Variants in MYO6 observed in about 807,000 individuals in gnomAD.
The protein encoded by MYO6 is myosin VI.
A neutral mutation model predicts 178.7 loss-of-function variants in MYO6; 74 were observed. That is an observed-to-expected ratio of 0.41 (90% CI 0.34 to 0.50). The LOEUF is 0.50. MYO6 is among the 20% of genes least tolerant of loss of function. The pLI is 0.09. For missense variants in MYO6, 1,330 were observed against 1,547.4 expected, an observed-to-expected ratio of 0.86 and a Z score of 2.36; for synonymous variants, 477 against 504.6, an observed-to-expected ratio of 0.95 and a Z score of 0.73.
In MYO6 at chr6:75,883,689, A is replaced by G. The variant is rs540431201; in HGVS notation, c.2416+1871A>G. Reference sequence around the variant, plus strand: ...CTGGCCCAAGACAAAAGTGAGGGACAGAACATTTTGGGGTTACCTAAGGAT... The same window carrying G: ...CTGGCCCAAGACAAAAGTGAGGGACGGAACATTTTGGGGTTACCTAAGGAT... On this transcript the variant is annotated intron_variant, in intron 23 of 34. Transcript: ENST00000369977. 7.9e-5 allele frequency among the ~76,000 whole-genome samples: 12 copies of G among 152,320 alleles called. No homozygotes were observed. In the East Asian group the frequency reaches 2.1e-3, roughly 27 times the overall value.
At chr6:75,893,511 A>G (rs1214280559) in intron 28 of MYO6, among the ~76,000 whole-genome samples, 1 of 152,180 alleles carries the variant, frequency 6.6e-6, no homozygotes, top group East Asian at 1.9e-4. Context: ...CAACCACTAG[A>G]TGGCGATGTT....
At chr6:75,753,455 G>GTGTGTA (rs370647728) in intron 1 of MYO6, among the ~76,000 whole-genome samples, 36 of 140,058 alleles carry the variant, frequency 2.6e-4, no homozygotes, top group African/African-American at 9.1e-4. Context: ...GTGTGTGTGT[G>GTGTGTA]TATATATATA....
At chr6:75,861,565 A>G (rs1451335346) in intron 15 of MYO6, among the ~76,000 whole-genome samples, 1 of 152,212 alleles carries the variant, frequency 6.6e-6, no homozygotes, top group Admixed American at 6.5e-5. Flanking sequence ...CTGCGCAGCA[A>G]GAGAATAGAG....
At chr6:75,790,870 TG>T (rs1189451786) in intron 1 of MYO6, among the ~76,000 whole-genome samples, 2 of 152,224 alleles carry the variant, frequency 1.3e-5, no homozygotes, top group African/African-American at 4.8e-5. Flanking sequence ...GATGTAATTA[TG>T]CAGATGTCAT....
intron 16 of MYO6, among the ~76,000 whole-genome samples, chr6:75,863,599 C>T (rs1396415142): frequency 6.6e-6 from 1 of 152,118 alleles, no homozygotes; most frequent in African/African-American, 2.4e-5. Context: ...GATTCTCCTA[C>T]CTCAGCCTCC....
intron 16 of MYO6, chr6:75,865,104 T>C (rs1347022105): frequency 6.6e-6 from 1 of 151,324 alleles, no homozygotes; most frequent in African/African-American, 2.4e-5. Context: ...TTCTCAATTT[T>C]ATTTTTTTGA....
intron 25 of MYO6, among the ~76,000 whole-genome samples, chr6:75,887,908 G>T (rs1212493141): frequency 1.3e-5 from 2 of 151,850 alleles, no homozygotes; most frequent in African/African-American, 2.4e-5. Context: ...GAACCGGGGG[G>T]GCGGAGCTTG....
At chr6:75,868,436 T>C (rs1003950601) in intron 18 of MYO6, among the ~76,000 whole-genome samples, 1 of 152,076 alleles carries the variant, frequency 6.6e-6, no homozygotes, top group Non-Finnish European at 1.5e-5. Flanking sequence ...TATTGTAGTA[T>C]TGCTGATAAG....
chr6:75,839,223 C>T (rs1237832122), intron 7 of MYO6, among the ~76,000 whole-genome samples: 2 of 151,902 alleles, frequency 1.3e-5, no homozygotes, highest in African/African-American at 4.8e-5. Flanking sequence ...TGGAGTATCG[C>T]TGTCTCCCAG....
intron 3 of MYO6, among the ~76,000 whole-genome samples, chr6:75,823,333 A>G (rs1221093377): frequency 2.0e-5 from 3 of 152,204 alleles, no homozygotes; most frequent in African/African-American, 7.2e-5. Context: ...CATTAATTTG[A>G]CTTATAACAT....
At chr6:75,752,184 G>T (rs1776960357) in intron 1 of MYO6, among the ~76,000 whole-genome samples, 1 of 151,960 alleles carries the variant, frequency 6.6e-6, no homozygotes, top group African/African-American at 2.4e-5. Flanking sequence ...TAGAGATGGG[G>T]TTTCACCATG....
At chr6:75,864,989 C>G (rs545036892) in intron 16 of MYO6, among the ~76,000 whole-genome samples, 1 of 152,274 alleles carries the variant, frequency 6.6e-6, no homozygotes, top group Admixed American at 6.5e-5. Context: ...GGCTGCAGAG[C>G]CGGCACTCTG....
In MYO6 at chr6:75,905,359, C is replaced by T. The variant is rs1780203919; in HGVS notation, c.3177-2246C>T. On this transcript the variant is annotated intron_variant, in intron 30 of 34. Transcript: ENST00000369977. ...TGCAGTTTGATCTCAGACTGCTGTGCTAGCAAGAGACTCCGTGGGCGTAGG... is the reference window on the plus strand; with the variant it reads ...TGCAGTTTGATCTCAGACTGCTGTGTTAGCAAGAGACTCCGTGGGCGTAGG... Among the ~76,000 whole-genome samples the T allele has an allele frequency of 2.6e-5, 4 of 152,212 alleles. No homozygotes were observed. In the South Asian group the frequency reaches 8.3e-4, roughly 31 times the overall value.
At chr6:75,824,807 T>G (rs1031681540) in intron 3 of MYO6, among the ~76,000 whole-genome samples, 1 of 151,044 alleles carries the variant, frequency 6.6e-6, no homozygotes, top group Admixed American at 6.6e-5. Flanking sequence ...TCACCCAGAC[T>G]GGAGTGCAGT....
At chr6:75,898,450 C>G (rs1211557549) in intron 30 of MYO6, 39 bp downstream of exon 30, 3 of 1,527,276 alleles carry the variant, frequency 2.0e-6, no homozygotes, top group African/African-American at 2.7e-5. Context: ...GTGTTCACCT[C>G]AAAATCATAT....
chr6:75,757,919 C>G (rs558992456), intron 1 of MYO6, among the ~76,000 whole-genome samples: 3 of 146,716 alleles, frequency 2.0e-5, no homozygotes, highest in African/African-American at 7.5e-5. Flanking sequence ...GAATTTTCAT[C>G]GAAAAGCAAG....
At chr6:75,798,493 C>T (rs977954170) in intron 1 of MYO6, among the ~76,000 whole-genome samples, 6 of 152,042 alleles carry the variant, frequency 3.9e-5, no homozygotes, top group Non-Finnish European at 8.8e-5. Context: ...TGTGATTCAC[C>T]ACATTGACAA....
At chr6:75,811,785 G>A (rs1038948698) in intron 1 of MYO6, among the ~76,000 whole-genome samples, 4 of 152,120 alleles carry the variant, frequency 2.6e-5, no homozygotes, top group Non-Finnish European at 4.4e-5. Flanking sequence ...AAGGGATATA[G>A]TGGGGAAGGA....
chr6:75,821,316 G>A (rs1330957147), intron 2 of MYO6, among the ~76,000 whole-genome samples: 1 of 152,176 alleles, frequency 6.6e-6, no homozygotes, highest in Non-Finnish European at 1.5e-5. Context: ...CCATGGCTGT[G>A]AAAGTTGGGC....
Sources: gnomAD v4.1 joint callset for allele counts (sites outside exome capture counted in the v4.1 genomes callset) on GRCh38, gnomAD v4.1.1 for gene constraint, MANE v1.5 for transcripts, NCBI Gene and HGNC (gene_info 2026-07-23, HGNC 2026-07-21) for gene names.